RYR2: variants seen among roughly 807,000 people sequenced by gnomAD.
The protein encoded by RYR2 is cardiac muscle ryanodine receptor-calcium release channel.
A neutral mutation model predicts 601.1 loss-of-function variants in RYR2; 227 were observed. The ratio of observed to expected loss-of-function variants is 0.38; its 90% CI spans 0.34 to 0.42. The LOEUF (loss-of-function observed/expected upper bound fraction) is 0.42, where lower values mean the gene tolerates loss of function less well. RYR2 is among the 10% of genes least tolerant of loss of function. RYR2 has a pLI of 1.00. For synonymous variants in RYR2, 2,223 were observed against 2,175.1 expected, an observed-to-expected ratio of 1.02 and a Z score of -0.61; for missense variants, 4,646 against 6,156.5, an observed-to-expected ratio of 0.75 and a Z score of 8.21.
At chr1:237,464,830 CT>C (rs1659889092) in intron 16 of RYR2, among the ~76,000 whole-genome samples, 1 of 152,164 alleles carries the variant, frequency 6.6e-6, no homozygotes, top group African/African-American at 2.4e-5. Context: ...CTTCATCAGA[CT>C]TTAGCAGATG....
chr1:237,704,264 TAAG>T (rs921613401), intron 66 of RYR2, among the ~76,000 whole-genome samples: 4 of 152,272 alleles, frequency 2.6e-5, no homozygotes, highest in Admixed American at 2.6e-4. Context: ...ATCTCTGAGA[TAAG>T]AAGGGAATTT....
intron 75 of RYR2, among the ~76,000 whole-genome samples, chr1:237,726,855 G>A (rs1690245551): frequency 1.3e-5 from 2 of 151,990 alleles, no homozygotes; most frequent in African/African-American, 4.8e-5. Context: ...CTTACTAAGG[G>A]AATTATATAG....
At chr1:237,595,094 G>C (rs1282768191) in intron 33 of RYR2, among the ~76,000 whole-genome samples, 1 of 149,480 alleles carries the variant, frequency 6.7e-6, no homozygotes, top group East Asian at 2.0e-4. Flanking sequence ...TTCAGAACAA[G>C]TGGTAAAACA....
intron 1 of RYR2, among the ~76,000 whole-genome samples, chr1:237,216,666 G>A (rs12402734): frequency 5.3e-5 from 8 of 151,674 alleles, no homozygotes; most frequent in Admixed American, 5.3e-4. Flanking sequence ...GAACCCAGGA[G>A]GTGGAGGTTG....
intron 14 of RYR2, among the ~76,000 whole-genome samples, chr1:237,451,897 G>T (rs34151841): frequency 2.0e-5 from 3 of 150,648 alleles, no homozygotes; most frequent in Non-Finnish European, 4.4e-5. Flanking sequence ...AATCATTTGT[G>T]TTTTTCTTAT....
At chr1:237,687,385 A>ATTTTCCCCTTTTTTTTTTTCTTTTC in intron 62 of RYR2, 70 bp from the exon 63 acceptor site, 1 of 209,454 alleles carries the variant, frequency 4.8e-6, no homozygotes, top group Non-Finnish European at 7.7e-6. Context: ...TTTTTTTTTT[A>ATTTTCCCCTTTTTTTTTTTCTTTTC]ATTTCCCCCT....
chr1:237,111,085 C>A (rs1210289769), intron 1 of RYR2, among the ~76,000 whole-genome samples: 1 of 152,164 alleles, frequency 6.6e-6, no homozygotes, highest in African/African-American at 2.4e-5. Flanking sequence ...TGTGAGGATG[C>A]TTCGAGGTTG....
Position 237,784,936 on chromosome 1 carries a change from C to G in RYR2, c.13224C>G (p.Asn4408Lys). The change falls in exon 90 of 105, where the codon AAC becomes AAG. Residue 4408 changes from asparagine to lysine, a missense_variant. Physicochemically the swap from Asn to Lys is moderately conservative, Grantham distance 94. This residue lies in a region of RYR2 where 364 missense variants were observed against 442.9 expected (regional missense o/e 0.82). Coordinates refer to ENST00000366574, the MANE Select transcript of RYR2 (RefSeq NM_001035.3). The surrounding 1 kb of genome is among the most constrained non-coding windows in gnomAD (Gnocchi z 7.1). ...PNAGLSDLMS[N>K]PVPMPEVQEK... ...CTGGGCTCAGTGACCTCATGAGCAA[C>G]CCAGTCCCCATGCCTGAGGTGCAGG... 1 of 1,604,936 alleles carries G rather than the reference C, an allele frequency of 6.2e-7. No individual in the cohort carries two copies.
At chr1:237,412,723 T>C (rs1488395960) in intron 10 of RYR2, among the ~76,000 whole-genome samples, 1 of 152,174 alleles carries the variant, frequency 6.6e-6, no homozygotes, top group Admixed American at 6.6e-5. Flanking sequence ...TCCTGCCATT[T>C]GCATTAAAAT....
chr1:237,148,553 T>TATATATATATACAC (rs71178397), intron 1 of RYR2, among the ~76,000 whole-genome samples: 37 of 105,658 alleles, frequency 3.5e-4, no homozygotes, highest in South Asian at 8.9e-4. Context: ...TATATATATA[T>TATATATATATACAC]ACACACACAC....
At chr1:237,154,309 G>A (rs1285971996) in intron 1 of RYR2, among the ~76,000 whole-genome samples, 4 of 152,196 alleles carry the variant, frequency 2.6e-5, no homozygotes, top group Admixed American at 1.3e-4. Context: ...AATGATAAGC[G>A]TGTGATTCAT....
intron 12 of RYR2, among the ~76,000 whole-genome samples, chr1:237,433,718 T>G (rs1193605832): frequency 1.3e-5 from 2 of 152,168 alleles, no homozygotes; most frequent in Non-Finnish European, 2.9e-5. Flanking sequence ...CTTTACATAC[T>G]TCTGCCACAT....
At chr1:237,378,175 T>A (rs1701187040) in intron 8 of RYR2, among the ~76,000 whole-genome samples, 2 of 152,180 alleles carry the variant, frequency 1.3e-5, no homozygotes, top group Non-Finnish European at 2.9e-5. Flanking sequence ...TGAGACTTAT[T>A]CACTATCATG....
At chr1:237,312,180 G>C (rs58409558) in intron 2 of RYR2, among the ~76,000 whole-genome samples, 13,126 of 152,136 alleles carry the variant, frequency 0.086, 1,154 homozygotes, top group African/African-American at 0.22. Flanking sequence ...TGTTCATAAA[G>C]AGAAATAGGT....
chr1:237,189,048 C>T (rs766540315), intron 1 of RYR2, among the ~76,000 whole-genome samples: 5 of 152,154 alleles, frequency 3.3e-5, no homozygotes, highest in Admixed American at 1.3e-4. Flanking sequence ...TTCCCTTCCT[C>T]CCCCGTCCTC....
rs772074948 is a variant in RYR2 at position 237,628,078 on chromosome 1, A to G, written c.6438A>G (p.Leu2146=). The change falls in exon 41 of 105, where the codon TTA becomes TTG. Residue 2146 remains leucine (L), a splice_region_variant and synonymous_variant. Coordinates refer to ENST00000366574, the MANE Select transcript of RYR2 (RefSeq NM_001035.3). ...AAGAGAAGCTCATGATTCGTGGATT[A>G]GGGTAAATTATTTAACTACTACAAC... ...KEEEKLMIRG[L]GDIMNNKVFY... is the part of the protein sequence containing the mutation. 2 of 1,613,152 alleles carry G rather than the reference A, an allele frequency of 1.2e-6. No homozygotes were observed. The highest frequency in any genetic ancestry group is 2.2e-5 in the East Asian group (1 of 44,856).
chr1:237,314,069 T>C (rs1210151470), intron 2 of RYR2, among the ~76,000 whole-genome samples: 9 of 144,642 alleles, frequency 6.2e-5, no homozygotes, highest in African/African-American at 2.0e-4. Context: ...ATTTCTTTTT[T>C]TTTTTTTTTT....
intron 92 of RYR2, among the ~76,000 whole-genome samples, chr1:237,790,858 T>C (rs968953908): frequency 3.9e-5 from 6 of 152,118 alleles, no homozygotes; most frequent in Non-Finnish European, 8.8e-5. Flanking sequence ...CAACCTTTTA[T>C]CAGAAGCCTA....
intron 11 of RYR2, among the ~76,000 whole-genome samples, chr1:237,417,480 T>C (rs1705132673): frequency 1.3e-5 from 2 of 152,212 alleles, no homozygotes; most frequent in South Asian, 4.1e-4. Flanking sequence ...ACAAGTTCTT[T>C]GCAAGCCTGT....
Sources: gnomAD v4.1 joint callset for allele counts (sites outside exome capture counted in the v4.1 genomes callset) on GRCh38, gnomAD v4.1.1 for gene constraint, gnomAD v4.1.1 regional missense constraint, Gnocchi (gnomAD v3.1) non-coding constraint, MANE v1.5 for transcripts, NCBI Gene and HGNC (gene_info 2026-07-23, HGNC 2026-07-21) for gene names.